ARHGAP32: variants seen among roughly 807,000 people sequenced by gnomAD.
ARHGAP32 encodes the protein rho GTPase-activating protein 32.
Under a neutral mutation model 186.5 loss-of-function variants are expected in ARHGAP32, and 51 were observed. The observed-to-expected ratio is 0.27, with a 90% CI of 0.22 to 0.35. ARHGAP32 has a LOEUF of 0.35. Among genes scored for constraint, ARHGAP32 ranks in the 10% least tolerant of loss-of-function variants. The probability of loss-of-function intolerance (pLI) is 1.00; values close to 1 mark genes in which losing one functional copy is unlikely to be tolerated. For synonymous variants in ARHGAP32, 950 were observed against 964.3 expected (o/e 0.99, Z 0.27); for missense variants, 2,186 against 2,623.5 (o/e 0.83, Z 3.64).
chr11:129,268,468 T>C (rs1373554148), intron 1 of ARHGAP32, among the ~76,000 whole-genome samples: 1 of 151,996 alleles, frequency 6.6e-6, no homozygotes, highest in Non-Finnish European at 1.5e-5. Flanking sequence ...AAGGATAATG[T>C]AGAAGGAATT....
At chr11:128,996,071 T>C (rs767094965) in intron 12 of ARHGAP32, among the ~76,000 whole-genome samples, 6 of 152,212 alleles carry the variant, frequency 3.9e-5, no homozygotes, top group Non-Finnish European at 7.4e-5. Flanking sequence ...AACCTATTGG[T>C]AAAAATCACT....
Position 128,972,956 on chromosome 11 carries a change from G to A in ARHGAP32, c.3550C>T (p.Pro1184Ser). 5 of 1,614,056 alleles carry A rather than the reference G, an allele frequency of 3.1e-6. No homozygotes were observed. Among genetic ancestry groups the A allele is most frequent in the Non-Finnish European group, 4.2e-6 (5 of 1,180,032 alleles). ...DPEKARITSVPLDSEKSDDHV... is the reference protein window; with the variant it reads ...DPEKARITSVSLDSEKSDDHV... ...TCATCAGACTTCTCTGAGTCTAAGG[G>A]AACTGAAGTAATTCTGGCCTTTTCT... The change falls in exon 22 of 23, where the codon CCC becomes TCC. Residue 1184 changes from proline (P) to serine (S), a missense_variant. Physicochemically the swap from Pro to Ser is moderately conservative, Grantham distance 74. Transcript: ENST00000682385.
At chr11:129,084,551 A>C (rs1196226770) in intron 6 of ARHGAP32, among the ~76,000 whole-genome samples, 1 of 152,190 alleles carries the variant, frequency 6.6e-6, no homozygotes, top group African/African-American at 2.4e-5. Flanking sequence ...CTAAAGAAGA[A>C]TAAAAATCAC....
intron 1 of ARHGAP32, among the ~76,000 whole-genome samples, chr11:129,215,437 AAAC>A (rs1429116911): frequency 6.6e-6 from 1 of 152,210 alleles, no homozygotes; most frequent in Non-Finnish European, 1.5e-5. Flanking sequence ...CAATGACTTA[AAAC>A]AACAGAAATG....
intron 6 of ARHGAP32, among the ~76,000 whole-genome samples, chr11:129,082,557 T>G (rs1272168975): frequency 6.6e-6 from 1 of 152,132 alleles, no homozygotes; most frequent in Non-Finnish European, 1.5e-5. Context: ...TGTAGAAGAA[T>G]GAAACTGGAT....
intron 12 of ARHGAP32, among the ~76,000 whole-genome samples, chr11:128,990,857 T>C (rs977820242): frequency 6.6e-6 from 1 of 152,180 alleles, no homozygotes; most frequent in Non-Finnish European, 1.5e-5. Context: ...ATAATTAACA[T>C]CATTACTTAG....
At chr11:129,239,792 A>C (rs908135389) in intron 1 of ARHGAP32, among the ~76,000 whole-genome samples, 10 of 152,146 alleles carry the variant, frequency 6.6e-5, no homozygotes, top group African/African-American at 1.4e-4. Context: ...CAATCTGTGC[A>C]AACAGCCAAC....
At chr11:129,263,635 G>T (rs1565484296) in intron 1 of ARHGAP32, among the ~76,000 whole-genome samples, 1 of 147,794 alleles carries the variant, frequency 6.8e-6, no homozygotes, top group Non-Finnish European at 1.5e-5. Flanking sequence ...GGAGGGGAGA[G>T]GGAGGGGGAG....
intron 1 of ARHGAP32, among the ~76,000 whole-genome samples, chr11:129,263,630 G>A (rs1230407798): frequency 6.8e-6 from 1 of 147,488 alleles, no homozygotes; most frequent in African/African-American, 2.5e-5. Flanking sequence ...GAGGGGGAGG[G>A]GAGAGGGAGG....
At chr11:129,242,474 T>C (rs1000835146) in intron 1 of ARHGAP32, among the ~76,000 whole-genome samples, 1 of 152,106 alleles carries the variant, frequency 6.6e-6, no homozygotes, top group Admixed American at 6.5e-5. Flanking sequence ...ATCCCAGCAC[T>C]TTGGGAGGCC....
chr11:129,065,311 T>C (rs1459056567), intron 7 of ARHGAP32, among the ~76,000 whole-genome samples: 1 of 152,124 alleles, frequency 6.6e-6, no homozygotes, highest in African/African-American at 2.4e-5. Context: ...TAATCTTCCA[T>C]GCACATGGCC....
chr11:129,065,541 A>C (rs894739319), intron 7 of ARHGAP32, among the ~76,000 whole-genome samples: 5 of 152,124 alleles, frequency 3.3e-5, no homozygotes, highest in Admixed American at 2.6e-4. Context: ...AGAGAAAAAA[A>C]TGAAACAGAA....
intron 6 of ARHGAP32, 100 bp downstream of exon 6, chr11:129,093,521 T>A (rs1941641275): frequency 6.3e-6 from 5 of 798,038 alleles, no homozygotes; most frequent in Middle Eastern, 4.6e-4. Context: ...TTTCTGTGGA[T>A]TATATCCTTT....
At chr11:129,188,796 G>A (rs1944216860) in intron 1 of ARHGAP32, among the ~76,000 whole-genome samples, 1 of 152,158 alleles carries the variant, frequency 6.6e-6, no homozygotes, top group Admixed American at 6.5e-5. Flanking sequence ...AGATATACGT[G>A]AAGATCAGCG....
intron 10 of ARHGAP32, among the ~76,000 whole-genome samples, chr11:129,050,976 CTTTT>C (rs970908747): frequency 3.7e-4 from 56 of 152,190 alleles, no homozygotes; most frequent in African/African-American, 1.3e-3. Flanking sequence ...TGAACCCATC[CTTTT>C]TTTATGGCTG....
chr11:129,119,955 A>G (rs1942477930), intron 5 of ARHGAP32, among the ~76,000 whole-genome samples: 1 of 152,158 alleles, frequency 6.6e-6, no homozygotes, highest in South Asian at 2.1e-4. Flanking sequence ...AAATCCTTGT[A>G]GAGAAGTTTC....
intron 11 of ARHGAP32, among the ~76,000 whole-genome samples, chr11:129,015,383 C>G (rs1429706683): frequency 6.6e-6 from 1 of 152,128 alleles, no homozygotes; most frequent in Admixed American, 6.5e-5. Flanking sequence ...TTGCTCAATA[C>G]TTTGATTATA....
intron 2 of ARHGAP32, among the ~76,000 whole-genome samples, chr11:129,135,252 A>G (rs928811368): frequency 6.6e-6 from 1 of 152,232 alleles, no homozygotes; most frequent in Non-Finnish European, 1.5e-5. Flanking sequence ...GGAAGACACT[A>G]CTTATCAGAT....
At chr11:129,046,824 C>T (rs910239724) in intron 10 of ARHGAP32, among the ~76,000 whole-genome samples, 1 of 151,664 alleles carries the variant, frequency 6.6e-6, no homozygotes, top group African/African-American at 2.4e-5. Flanking sequence ...TTATCGCTGA[C>T]TTAAAAAAAA....
Sources: allele counts gnomAD v4.1 joint callset (sites outside exome capture counted in the v4.1 genomes callset), GRCh38; gene constraint gnomAD v4.1.1; transcripts MANE v1.5; gene names NCBI Gene and HGNC (gene_info 2026-07-23, HGNC 2026-07-21).